YJU2B: variants seen among roughly 807,000 people sequenced by gnomAD.
The protein encoded by YJU2B is probable splicing factor YJU2B.
Under a neutral mutation model 38.0 loss-of-function variants are expected in YJU2B, and 18 were observed. That is an observed-to-expected ratio of 0.47 (90% confidence interval 0.33 to 0.70). The LOEUF is 0.70. Among genes scored for constraint, YJU2B ranks in the 30% least tolerant of loss-of-function variants. YJU2B has a pLI of 0.02. For synonymous variants in YJU2B, 246 were observed against 225.4 expected (o/e 1.09, Z -0.82); for missense variants, 538 against 556.3 (o/e 0.97, Z 0.33).
chr19:13,744,186 C>CA (rs561659940), upstream of YJU2B, among the ~76,000 whole-genome samples: 1,764 of 137,050 alleles, frequency 0.013, 30 homozygotes, highest in African/African-American at 0.042. Context: ...GACTTAGTCT[C>CA]AAAAAAAAAA....
At chr19:13,751,224 T>C (rs1973449946) in intron 1 of YJU2B, among the ~76,000 whole-genome samples, 2 of 152,126 alleles carry the variant, frequency 1.3e-5, no homozygotes, top group African/African-American at 4.8e-5. Flanking sequence ...AAGACCATCC[T>C]GGGCAACATG....
At chr19:13,736,227 A>G (rs1972941068) in intron 2 of YJU2B, among the ~76,000 whole-genome samples, 1 of 149,534 alleles carries the variant, frequency 6.7e-6, no homozygotes, top group Non-Finnish European at 1.5e-5. Flanking sequence ...TTAATTCTCT[A>G]GAGCATCCAC....
chr19:13,746,853 G>A (rs1054966401), upstream of YJU2B, among the ~76,000 whole-genome samples: 1 of 152,030 alleles, frequency 6.6e-6, no homozygotes, highest in African/African-American at 2.4e-5. Context: ...AGCGCAGTGA[G>A]CTGAGATCAC....
At chr19:13,743,708 C>T (rs1010988732), upstream of YJU2B, among the ~76,000 whole-genome samples, 1 of 144,528 alleles carries the variant, frequency 6.9e-6, no homozygotes, top group African/African-American at 2.6e-5. Context: ...GCCTGGCCAA[C>T]ATGACGAAGC....
At chr19:13,752,899 C>A (rs1439901023) in intron 2 of YJU2B, among the ~76,000 whole-genome samples, 3 of 145,214 alleles carry the variant, frequency 2.1e-5, no homozygotes, top group Non-Finnish European at 3.0e-5. Flanking sequence ...CGTGACAGAG[C>A]AAGACTCTGT....
rs1973918877 is a variant in YJU2B, at chr19:13,762,291, C to T, written c.574-8C>T. ...CCCTATCTCTGGTGTTCTTGGCCCT[C>T]AACACAGGAAAAGAAAAAAGCCATC... On this transcript the variant is annotated splice_region_variant and splice_polypyrimidine_tract_variant and intron_variant, in intron 8 of 9. Transcript: ENST00000221554. 1 of 1,612,872 alleles carries T rather than the reference C, an allele frequency of 6.2e-7. No individual in the cohort carries two copies. The highest frequency in any genetic ancestry group is 1.1e-5 in the South Asian group (1 of 91,026).
chr19:13,746,338 ACTT>A (rs1164527981), upstream of YJU2B, among the ~76,000 whole-genome samples: 26 of 152,198 alleles, frequency 1.7e-4, no homozygotes, highest in South Asian at 4.4e-3. Context: ...GTATCCACCC[ACTT>A]CTTCTGTAAA....
Position 13,756,271 on chromosome 19 carries a change from C to T in YJU2B, c.132C>T (p.Leu44=), listed in dbSNP as rs374941907. 4.4e-5 allele frequency: 71 copies of T among 1,613,718 alleles called. No individual in the cohort carries two copies. Among genetic ancestry groups the T allele is most frequent in the Non-Finnish European group, 5.8e-5 (68 of 1,179,788 alleles). ...ERARKLSQGI[L]IIRFEMPYNI... is the part of the protein sequence containing the mutation. ...CTCGGAAGCTGTCACAGGGCATCCT[C>T]ATCATCCGGTAAGGCCCAGCATCAC... is the stretch of plus-strand genomic sequence containing the variant. Residue 44 remains leucine, a synonymous_variant, in exon 4 of 10, where the codon CTC becomes CTT. Transcript: ENST00000221554.
At chr19:13,749,634 T>A (rs1013375794) in intron 1 of YJU2B, among the ~76,000 whole-genome samples, 1 of 142,800 alleles carries the variant, frequency 7.0e-6, no homozygotes, top group Middle Eastern at 3.3e-3. Context: ...ACTTCTTTCT[T>A]TTTTTTTTTT....
intron 3 of YJU2B, among the ~76,000 whole-genome samples, chr19:13,755,156 C>G (rs1402186634): frequency 1.4e-5 from 2 of 146,482 alleles, no homozygotes; most frequent in Non-Finnish European, 3.0e-5. Context: ...AGAGCCAGAC[C>G]CTGCCTCAAA....
At chr19:13,757,275 T>C in intron 4 of YJU2B, 143 bp from the exon 5 acceptor site, 1 of 637,050 alleles carries the variant, frequency 1.6e-6, no homozygotes, top group Non-Finnish European at 2.9e-6. Context: ...ATTTCCTGTG[T>C]AATGTGAGTG....
chr19:13,760,108 G>C (rs963025670), intron 8 of YJU2B, among the ~76,000 whole-genome samples: 1 of 151,828 alleles, frequency 6.6e-6, no homozygotes, highest in African/African-American at 2.4e-5. Context: ...TGTATTTTTA[G>C]TAGAGGCGGG....
upstream of YJU2B, among the ~76,000 whole-genome samples, chr19:13,746,998 T>C (rs950330012): frequency 1.3e-5 from 2 of 151,274 alleles, no homozygotes; most frequent in African/African-American, 4.9e-5. Flanking sequence ...AGGGGAGAAA[T>C]TGTATGATGG....
At chr19:13,759,412 A>C in intron 8 of YJU2B, 140 bp downstream of exon 8, 1 of 658,646 alleles carries the variant, frequency 1.5e-6, no homozygotes, top group Non-Finnish European at 2.6e-6. Context: ...CTACATGGTG[A>C]CCATGCCCTG....
At chr19:13,735,050 C>T (rs977465571) in intron 2 of YJU2B, among the ~76,000 whole-genome samples, 4 of 152,194 alleles carry the variant, frequency 2.6e-5, no homozygotes, top group Non-Finnish European at 5.9e-5. Flanking sequence ...GGCACAGCGG[C>T]TCATGCCTGT....
intron 6 of YJU2B, among the ~76,000 whole-genome samples, chr19:13,758,175 G>A (rs1371003193): frequency 2.6e-5 from 4 of 152,122 alleles, no homozygotes; most frequent in Non-Finnish European, 4.4e-5. Flanking sequence ...GCTTCCACCT[G>A]GAATGCTCTT....
At chr19:13,732,498 T>C (rs576542958) in intron 2 of YJU2B, 1 of 151,752 alleles carries the variant, frequency 6.6e-6, no homozygotes, top group East Asian at 1.9e-4. Context: ...TCTCAGCTAC[T>C]TGGAAGGCTG....
chr19:13,762,580 TCTC>T lies in YJU2B; in HGVS notation c.713-6_713-4del. The T allele has an allele frequency of 2.0e-6, 3 of 1,530,820 alleles. No individual in the cohort carries two copies. Among genetic ancestry groups the T allele is most frequent in the African/African-American group, 1.4e-5 (1 of 72,816 alleles). 94.8% of individuals were successfully genotyped at this position (1,530,820 alleles called of 1,614,324 possible). A position where few individuals can be genotyped will look rare whatever the true frequency, so the allele number is the denominator to read the frequency against. On this transcript the variant is annotated splice_polypyrimidine_tract_variant and splice_region_variant and intron_variant, in intron 9 of 9. Transcript: ENST00000221554. Reference sequence around the variant, plus strand: ...CTGCCGCCCCTGAAATGTCCTCTCCTCTCCTCTAGCCTACGAGGACAAGCAGAA... The same window carrying T: ...CTGCCGCCCCTGAAATGTCCTCTCCTCTCTAGCCTACGAGGACAAGCAGAA...
At chr19:13,747,745 T>C (rs1263818694), upstream of YJU2B, 2 of 152,390 alleles carry the variant, frequency 1.3e-5, no homozygotes, top group Non-Finnish European at 2.9e-5. Flanking sequence ...CCTCTTGGCG[T>C]AAGCGCGGTT....
Sources: gnomAD v4.1 joint callset for allele counts (sites outside exome capture counted in the v4.1 genomes callset) on GRCh38, gnomAD v4.1.1 for gene constraint, MANE v1.5 for transcripts, NCBI Gene and HGNC (gene_info 2026-07-23, HGNC 2026-07-21) for gene names.